Variants in DAAM2 observed in about 807,000 individuals in gnomAD.
DAAM2 encodes disheveled-associated activator of morphogenesis 2.
A neutral mutation model predicts 120.7 loss-of-function variants in DAAM2; 39 were observed. That is an observed-to-expected ratio of 0.32 (90% CI 0.25 to 0.42). DAAM2 has a LOEUF of 0.42. DAAM2 is among the 10% of genes least tolerant of loss of function. The pLI is 1.00. For missense variants in DAAM2, 1,283 were observed against 1,401.7 expected, an observed-to-expected ratio of 0.92 and a Z score of 1.35; for synonymous variants, 488 against 524.9, an observed-to-expected ratio of 0.93 and a Z score of 0.96.
chr6:39,854,958 A>G (rs550170951), intron 1 of DAAM2, among the ~76,000 whole-genome samples: 67 of 152,320 alleles, frequency 4.4e-4, no homozygotes, highest in African/African-American at 1.5e-3. Flanking sequence ...TTTTTAGCAA[A>G]GATGTGCGTG....
At chr6:39,860,018 T>TA (rs1347878404) in intron 2 of DAAM2, among the ~76,000 whole-genome samples, 3 of 152,196 alleles carry the variant, frequency 2.0e-5, no homozygotes, top group Non-Finnish European at 2.9e-5. Context: ...CTTTTGATTT[T>TA]AAAAAAAGCA....
intron 2 of DAAM2, among the ~76,000 whole-genome samples, chr6:39,859,985 A>T (rs1164042917): frequency 2.6e-5 from 4 of 152,188 alleles, no homozygotes; most frequent in Non-Finnish European, 5.9e-5. Context: ...GTTATGCTTA[A>T]TTTATGCTTA....
At chr6:39,805,021 TTAA>T (rs1761968635) in intron 1 of DAAM2, among the ~76,000 whole-genome samples, 1 of 152,182 alleles carries the variant, frequency 6.6e-6, no homozygotes, top group South Asian at 2.1e-4. Context: ...GGAATTTTTA[TTAA>T]TAAGAAAGGA....
chr6:39,896,896 T>C lies in DAAM2; in HGVS notation c.2426T>C (p.Met809Thr), dbSNP rs1031117463. The stretch of plus-strand genomic sequence containing the variant: ...GTCATCCTAGCCATAGGCAACTTCA[T>C]GAACAAAGGGCAGCGTGGGGGCGCC... Reference protein sequence around the residue: ...LEVILAIGNFMNKGQRGGAYG... With the variant: ...LEVILAIGNFTNKGQRGGAYG... Residue 809 changes from methionine (M) to threonine (T), a missense_variant, in exon 20 of 25, where the codon ATG becomes ACG. Physicochemically the swap from Met to Thr is moderately conservative, Grantham distance 81. Coordinates refer to ENST00000274867, the MANE Select transcript of DAAM2 (RefSeq NM_001201427.2). 1.2e-6 allele frequency: 2 copies of C among 1,613,664 alleles called. No individual in the cohort carries two copies. The highest frequency in any genetic ancestry group is 1.3e-5 in the African/African-American group (1 of 74,896).
intron 7 of DAAM2, among the ~76,000 whole-genome samples, chr6:39,869,770 TTTTTTTTTTTA>T (rs918876174): frequency 6.7e-6 from 1 of 150,202 alleles, no homozygotes; most frequent in African/African-American, 2.5e-5. Flanking sequence ...TTTTTTTTTT[TTTTTTTTTTTA>T]AAAACAATTT....
intron 14 of DAAM2, among the ~76,000 whole-genome samples, chr6:39,880,866 G>A (rs1466055309): frequency 6.6e-6 from 1 of 152,198 alleles, no homozygotes; most frequent in Non-Finnish European, 1.5e-5. Context: ...CTGCACAGTT[G>A]TGCCCTGTGG....
In DAAM2 at chr6:39,903,540, T is replaced by TTTCATCTTC. The variant is rs1313505767; in HGVS notation, c.*1506_*1514dup. 1 of 152,462 alleles carries TTTCATCTTC rather than the reference T, an allele frequency of 6.6e-6. No individual in the cohort carries two copies. The highest frequency in any genetic ancestry group is 2.4e-5 in the African/African-American group (1 of 41,464). The allele number at this position is 152,462 out of a possible 1,614,324, so 9.4% of individuals were successfully genotyped here. ...TTCAATACCACGTTCCGAGTTGGCC[T>TTTCATCTTC]TTCATCTTCTTTGAGACTGGCCCTG... On this transcript the variant is annotated 3_prime_UTR_variant, in exon 25 of 25. Coordinates refer to ENST00000274867, the MANE Select transcript of DAAM2 (RefSeq NM_001201427.2).
chr6:39,896,868 G>C lies in DAAM2; in HGVS notation c.2398G>C (p.Glu800Gln). 1 of 1,613,624 alleles carries C rather than the reference G, an allele frequency of 6.2e-7. No homozygotes were observed. The highest frequency in any genetic ancestry group is 8.5e-7 in the Non-Finnish European group (1 of 1,179,720). The part of the protein sequence containing the change: ...VRSKRLRQML[E>Q]VILAIGNFMN... ...CAGCAAGCGTCTTAGACAGATGCTA[G>C]AGGTCATCCTAGCCATAGGCAACTT... Residue 800 changes from glutamate (E) to glutamine (Q), a missense_variant, in exon 20 of 25, where the codon GAG becomes CAG. By Grantham distance (29) the Glu-to-Gln change is conservative. Around this residue, in one of 3 missense-constraint regions of DAAM2, gnomAD observed 748 missense variants for 768.6 expected, o/e 0.97. Transcript: ENST00000274867.
intron 1 of DAAM2, among the ~76,000 whole-genome samples, chr6:39,834,075 G>T (rs760286299): frequency 5.9e-5 from 9 of 152,152 alleles, no homozygotes; most frequent in Non-Finnish European, 1.0e-4. Flanking sequence ...GGCTTTTGCT[G>T]CTTCTCAGAA....
chr6:39,820,412 TAACTC>T (rs932015551), intron 1 of DAAM2: 4 of 152,216 alleles, frequency 2.6e-5, no homozygotes, highest in Non-Finnish European at 5.9e-5. Context: ...AGGCAAAACT[TAACTC>T]AAATAGATTT....
Position 39,901,776 on chromosome 6 carries a change from C to T in DAAM2, c.2983-37C>T. The T allele has an allele frequency of 6.7e-7, 1 of 1,490,856 alleles. No homozygotes were observed. Among genetic ancestry groups the T allele is most frequent in the South Asian group, 1.4e-5 (1 of 73,772 alleles). 92.4% of individuals were successfully genotyped at this position (1,490,856 alleles called of 1,614,324 possible). On this transcript the variant is annotated intron_variant, in intron 24 of 24. Coordinates refer to ENST00000274867, the MANE Select transcript of DAAM2 (RefSeq NM_001201427.2). The surrounding 1 kb of genome is among the most constrained non-coding windows in gnomAD (Gnocchi z 4.5). ...GGCTGCCCTGGCCTCAGCGCCTCTC[C>T]CTGAGAGGGTTCCTATCTTTGGCCC...
rs1337293751 is a variant in DAAM2 at position 39,811,174 on chromosome 6, A to AGTATGT, written c.-57+18711_-57+18712insATGTGT. On this transcript the variant is annotated intron_variant, in intron 1 of 24. Transcript: ENST00000274867. ...ATTTGTAAGCCTGTAAACTGAAGGG[A>AGTATGT]GTGTGTGTGTGTGTGTGTGTGTGTG... Among the ~76,000 whole-genome samples the AGTATGT allele has an allele frequency of 7.3e-3, 1,076 of 146,556 alleles. 17 individuals are homozygous for AGTATGT. Among genetic ancestry groups the AGTATGT allele is most frequent in the African/African-American group, 0.026 (1,018 of 39,152 alleles).
At chr6:39,867,416 G>A in intron 5 of DAAM2, 94 bp from the exon 6 acceptor site, 1 of 1,213,048 alleles carries the variant, frequency 8.2e-7, no homozygotes, top group Non-Finnish European at 1.2e-6. Flanking sequence ...GTGGGACAAG[G>A]TGCATGGTGG....
rs1389409146 is a variant in DAAM2 at position 39,904,445 on chromosome 6, TG to T, written c.*2409del. ...TCCTTAATAGGTTGTTTCTTGGTCTTGCTTTCTTCATGCCCTCCCCACTGCT... is the reference window on the plus strand; with the variant it reads ...TCCTTAATAGGTTGTTTCTTGGTCTTCTTTCTTCATGCCCTCCCCACTGCT... On this transcript the variant is annotated 3_prime_UTR_variant, in exon 25 of 25. Transcript: ENST00000274867. 2 of 454,674 alleles carry T rather than the reference TG, an allele frequency of 4.4e-6. No individual in the cohort carries two copies. Among genetic ancestry groups the T allele is most frequent in the African/African-American group, 4.0e-5 (2 of 50,014 alleles). The allele number at this position is 454,674 out of a possible 1,614,324, so 28.2% of individuals were successfully genotyped here. A position where few individuals can be genotyped will look rare whatever the true frequency, so the allele number is the denominator to read the frequency against.
chr6:39,865,912 G>A (rs1764411433), intron 5 of DAAM2, among the ~76,000 whole-genome samples: 1 of 152,194 alleles, frequency 6.6e-6, no homozygotes, highest in Non-Finnish European at 1.5e-5. Flanking sequence ...GAAACACTAT[G>A]AAATATGCAT....
intron 1 of DAAM2, among the ~76,000 whole-genome samples, chr6:39,815,651 T>TACACACACACACACACACAC (rs56736428): frequency 6.7e-5 from 10 of 148,966 alleles, no homozygotes; most frequent in African/African-American, 1.7e-4. Context: ...ACCCCTGGTT[T>TACACACACACACACACACAC]ACACACACAC....
intron 19 of DAAM2, 64 bp from the exon 20 acceptor site, chr6:39,896,748 G>T: frequency 7.1e-7 from 1 of 1,401,632 alleles, no homozygotes. Flanking sequence ...TCTTCCTGGG[G>T]TGCAATGAGA....
chr6:39,796,670 G>T (rs1359604141), intron 1 of DAAM2, among the ~76,000 whole-genome samples: 1 of 147,018 alleles, frequency 6.8e-6, no homozygotes, highest in Admixed American at 6.8e-5. Context: ...ACTTTAGGCA[G>T]TTTGATGTCT....
chr6:39,823,476 C>T (rs1423051676), intron 1 of DAAM2, among the ~76,000 whole-genome samples: 1 of 152,176 alleles, frequency 6.6e-6, no homozygotes, highest in Non-Finnish European at 1.5e-5. Context: ...GATTGGTGTG[C>T]TCTGCTCTGA....
Sources: allele counts gnomAD v4.1 joint callset (sites outside exome capture counted in the v4.1 genomes callset), GRCh38; gene constraint gnomAD v4.1.1; regional missense constraint gnomAD v4.1.1; non-coding constraint Gnocchi (gnomAD v3.1); transcripts MANE v1.5; gene names NCBI Gene and HGNC (gene_info 2026-07-23, HGNC 2026-07-21).